ESR1: variants seen among roughly 807,000 people sequenced by gnomAD.
ESR1 encodes estrogen receptor.
In ESR1, 12 loss-of-function variants were observed where a neutral mutation model predicts 52.7. The ratio of observed to expected loss-of-function variants is 0.23; its 90% CI spans 0.15 to 0.37. The LOEUF (loss-of-function observed/expected upper bound fraction) is 0.37. Among genes scored for constraint, ESR1 ranks in the 10% least tolerant of loss-of-function variants. The probability of loss-of-function intolerance (pLI) is 1.00; values close to 1 mark genes in which losing one functional copy is unlikely to be tolerated. For missense variants in ESR1, 584 were observed against 779.7 expected, an observed-to-expected ratio of 0.75 and a Z score of 2.99; for synonymous variants, 305 against 316.8, an observed-to-expected ratio of 0.96 and a Z score of 0.39.
In ESR1 at chr6:152,125,524, G is replaced by A. The variant is rs1378690720; in HGVS notation, c.*176G>A. Reference sequence around the variant, plus strand: ...GTTTGCCTTAAAGTGTCTTAAGAAGGATAGGATAGCTACCCACAAACTTTG... The same window carrying A: ...GTTTGCCTTAAAGTGTCTTAAGAAGAATAGGATAGCTACCCACAAACTTTG... On this transcript the variant is annotated 3_prime_UTR_variant, in exon 7 of 7. Transcript: ENST00000427531. 5.8e-6 allele frequency: 5 copies of A among 869,492 alleles called. No homozygotes were observed. In the African/African-American group the frequency reaches 6.7e-5, roughly 12 times the overall value. The allele number at this position is 869,492 out of a possible 1,614,324, so 53.9% of individuals were successfully genotyped here. A position where few individuals can be genotyped will look rare whatever the true frequency, so the allele number is the denominator to read the frequency against.
intron 4 of ESR1, among the ~76,000 whole-genome samples, chr6:151,948,062 C>G (rs931543822): frequency 6.6e-6 from 1 of 151,892 alleles, no homozygotes; most frequent in Non-Finnish European, 1.5e-5. Flanking sequence ...CATGGTGAAA[C>G]TAGTCAATAA....
chr6:151,917,510 G>GT (rs1416277958), intron 3 of ESR1, among the ~76,000 whole-genome samples: 1 of 152,176 alleles, frequency 6.6e-6, no homozygotes, highest in African/African-American at 2.4e-5. Context: ...ATACACAGTA[G>GT]TTTTAAGAGT....
intron 6 of ESR1, among the ~76,000 whole-genome samples, chr6:152,064,267 G>A (rs756242182): frequency 7.9e-5 from 12 of 152,312 alleles, no homozygotes; most frequent in Non-Finnish European, 1.3e-4. Flanking sequence ...GCAAAAGCCC[G>A]TGAAGCAGCA....
rs550129535 is a variant in ESR1, at chr6:151,721,220, G to C, written c.-71+19215G>C. On this transcript the variant is annotated intron_variant, in intron 2 of 2. Transcript: ENST00000404742. ...GACTAATGCAACATGTTGGAGGTGA[G>C]TCTTCAGGAAAGAGGCAACAAGAAC... 6.6e-5 allele frequency among the ~76,000 whole-genome samples: 10 copies of C among 152,322 alleles called. No individual in the cohort carries two copies. In the South Asian group the frequency reaches 1.9e-3, roughly 28 times the overall value.
At chr6:151,786,499 G>T (rs931973785) in intron 2 of ESR1, among the ~76,000 whole-genome samples, 16 of 152,098 alleles carry the variant, frequency 1.1e-4, no homozygotes, top group African/African-American at 3.9e-4. Context: ...AAACAAACAT[G>T]CCATTTTCTC....
chr6:151,887,729 G>C (rs912705120), intron 3 of ESR1, among the ~76,000 whole-genome samples: 1 of 152,102 alleles, frequency 6.6e-6, no homozygotes, highest in Non-Finnish European at 1.5e-5. Context: ...AGTTCAGCTG[G>C]AGGAAGCATG....
intron 3 of ESR1, among the ~76,000 whole-genome samples, chr6:151,896,002 C>T (rs144972851): frequency 1.1e-3 from 162 of 152,232 alleles, no homozygotes; most frequent in African/African-American, 3.4e-3. Context: ...GTTGGCCAGG[C>T]GGGTCTTGAA....
chr6:151,665,603 G>GTTTCT (rs750032689), intron 1 of ESR1, among the ~76,000 whole-genome samples: 23 of 151,998 alleles, frequency 1.5e-4, no homozygotes, highest in African/African-American at 9.7e-5. Flanking sequence ...CACAGCTTCT[G>GTTTCT]TTTCTTTTCT....
chr6:151,854,285 G>A (rs1562480060), intron 2 of ESR1, among the ~76,000 whole-genome samples: 1 of 152,080 alleles, frequency 6.6e-6, no homozygotes, highest in East Asian at 1.9e-4. Context: ...TGTAAAACTT[G>A]TTCTGGCTAC....
At chr6:151,714,482 T>C (rs1350707034) in intron 2 of ESR1, among the ~76,000 whole-genome samples, 1 of 152,204 alleles carries the variant, frequency 6.6e-6, no homozygotes, top group African/African-American at 2.4e-5. Flanking sequence ...AGTCTCTTTG[T>C]AGGTCTCTAA....
chr6:151,944,133 A>G (rs898018477), intron 3 of ESR1, 40 bp from the exon 4 acceptor site: 1 of 1,557,592 alleles, frequency 6.4e-7, no homozygotes, highest in Admixed American at 1.8e-5. Flanking sequence ...TTTACACGGG[A>G]AAAAAATAAA....
chr6:152,121,058 C>T (rs570850183), intron 6 of ESR1, among the ~76,000 whole-genome samples: 1 of 152,276 alleles, frequency 6.6e-6, no homozygotes, highest in South Asian at 2.1e-4. Flanking sequence ...GGAATATGTG[C>T]TCCGGACTAG....
At chr6:151,791,369 G>A (rs1042401478) in intron 2 of ESR1, among the ~76,000 whole-genome samples, 4 of 152,116 alleles carry the variant, frequency 2.6e-5, no homozygotes, top group East Asian at 1.9e-4. Context: ...TCTCTTTCAC[G>A]AGCTCTCTTG....
intron 6 of ESR1, among the ~76,000 whole-genome samples, chr6:152,088,345 T>A (rs2049905860): frequency 6.6e-6 from 1 of 152,036 alleles, no homozygotes; most frequent in African/African-American, 2.4e-5. Flanking sequence ...CTGAGAAAAC[T>A]AAAAACTAAC....
chr6:151,970,048 T>A (rs990055803), intron 4 of ESR1, among the ~76,000 whole-genome samples: 2 of 152,158 alleles, frequency 1.3e-5, no homozygotes, highest in Non-Finnish European at 2.9e-5. Flanking sequence ...TTCTGCCTTC[T>A]AGACGCTTCA....
At chr6:152,059,227 C>A (rs2047351749) in intron 5 of ESR1, among the ~76,000 whole-genome samples, 1 of 151,370 alleles carries the variant, frequency 6.6e-6, no homozygotes, top group African/African-American at 2.4e-5. Flanking sequence ...CCCAGAAGAT[C>A]AAAAATTTAA....
chr6:151,662,501 T>C (rs1777672283), intron 1 of ESR1, among the ~76,000 whole-genome samples: 1 of 152,208 alleles, frequency 6.6e-6, no homozygotes, highest in Admixed American at 6.5e-5. Context: ...GCCAGGTTTG[T>C]CTGGGTCTTG....
chr6:151,803,214 T>A (rs1583353365), upstream of ESR1, among the ~76,000 whole-genome samples: 1 of 152,018 alleles, frequency 6.6e-6, no homozygotes. Context: ...CATGAGGAGA[T>A]AAAAAACAGA....
intron 1 of ESR1, among the ~76,000 whole-genome samples, chr6:151,808,753 C>A (rs1778299341): frequency 6.6e-6 from 1 of 152,174 alleles, no homozygotes; most frequent in Non-Finnish European, 1.5e-5. Context: ...AGGTCTCGCT[C>A]TTGGCATTTA....
Sources: allele counts gnomAD v4.1 joint callset (sites outside exome capture counted in the v4.1 genomes callset), GRCh38; gene constraint gnomAD v4.1.1; transcripts MANE v1.5; gene names NCBI Gene and HGNC (gene_info 2026-07-23, HGNC 2026-07-21).